The following SLC25A48 variants were observed in gnomAD, a reference collection of about 807,000 sequenced individuals.
The protein encoded by SLC25A48 is CTC-321K16.1.
SLC25A48 carries 29 observed loss-of-function variants against 32.2 expected under a neutral mutation model. That is an observed-to-expected ratio of 0.90 (90% CI 0.67 to 1.23). SLC25A48 has a LOEUF of 1.23. SLC25A48 is among the 50% of genes most tolerant of loss of function. The probability of loss-of-function intolerance (pLI) is 0.00; values close to 1 mark genes in which losing one functional copy is unlikely to be tolerated. For missense variants in SLC25A48, 399 were observed against 422.7 expected (o/e 0.94, Z 0.49); for synonymous variants, 164 against 172.3 (o/e 0.95, Z 0.38).
intron 3 of SLC25A48, chr5:135,648,578 A>C (rs1158199473): frequency 6.6e-6 from 1 of 152,216 alleles, no homozygotes; most frequent in African/African-American, 2.4e-5. Context: ...ACTAAGTGCC[A>C]TGTGAGCCTG....
intron 3 of SLC25A48, among the ~76,000 whole-genome samples, chr5:135,657,687 G>T (rs1394176824): frequency 6.6e-6 from 1 of 152,200 alleles, no homozygotes; most frequent in Non-Finnish European, 1.5e-5. Flanking sequence ...CTGACTGTGT[G>T]TATCTAGTCT....
intron 3 of SLC25A48, among the ~76,000 whole-genome samples, chr5:135,719,988 G>A (rs1754910029): frequency 6.6e-6 from 1 of 152,262 alleles, no homozygotes. Context: ...TTCTGAAGGG[G>A]CTTGTAGATG....
At chr5:135,767,477 C>T (rs1580856362) in intron 3 of SLC25A48, among the ~76,000 whole-genome samples, 1 of 151,734 alleles carries the variant, frequency 6.6e-6, no homozygotes, top group East Asian at 1.9e-4. Flanking sequence ...GAGTGTACAC[C>T]CCCTGGTGAT....
chr5:135,883,222 C>T, intron 7 of SLC25A48: 1 of 985,484 alleles, frequency 1.0e-6, no homozygotes. Flanking sequence ...CATCCCCACC[C>T]CGGCTGGGGC....
intron 3 of SLC25A48, among the ~76,000 whole-genome samples, chr5:135,677,415 A>G (rs1049053504): frequency 1.3e-5 from 2 of 152,008 alleles, no homozygotes; most frequent in African/African-American, 4.8e-5. Flanking sequence ...TTAGTGGAGA[A>G]TTTCATCCAT....
intron 3 of SLC25A48, among the ~76,000 whole-genome samples, chr5:135,767,243 A>G (rs1485177576): frequency 6.7e-6 from 1 of 149,564 alleles, no homozygotes; most frequent in Non-Finnish European, 1.5e-5. Flanking sequence ...TGATATTACT[A>G]TCTATATTGG....
At chr5:135,607,480 C>T (rs907146164) in intron 1 of SLC25A48, among the ~76,000 whole-genome samples, 1 of 152,198 alleles carries the variant, frequency 6.6e-6, no homozygotes, top group African/African-American at 2.4e-5. Context: ...TGAGGTATAA[C>T]AGCGAGGAAG....
At chr5:135,696,087 C>T (rs999076382) in intron 3 of SLC25A48, among the ~76,000 whole-genome samples, 13 of 152,182 alleles carry the variant, frequency 8.5e-5, no homozygotes, top group Non-Finnish European at 1.6e-4. Context: ...AGCCCAAGGG[C>T]GACTGTGGAA....
intron 3 of SLC25A48, among the ~76,000 whole-genome samples, chr5:135,719,027 T>A (rs1315067003): frequency 6.6e-6 from 1 of 152,162 alleles, no homozygotes; most frequent in African/African-American, 2.4e-5. Flanking sequence ...AAGATTATCC[T>A]GGTTGTGATT....
chr5:135,875,975 T>C (rs1423711869), intron 6 of SLC25A48: 3 of 152,214 alleles, frequency 2.0e-5, no homozygotes. Flanking sequence ...ACTTGAGTTC[T>C]GTCTTTATGT....
At chr5:135,737,098 G>A (rs746566061) in intron 3 of SLC25A48, among the ~76,000 whole-genome samples, 5 of 152,176 alleles carry the variant, frequency 3.3e-5, no homozygotes, top group Non-Finnish European at 5.9e-5. Context: ...TTTCACTCAC[G>A]TCCGTGTGAA....
intron 3 of SLC25A48, among the ~76,000 whole-genome samples, chr5:135,806,601 T>C (rs1040626457): frequency 7.2e-6 from 1 of 139,288 alleles, no homozygotes; most frequent in African/African-American, 3.3e-5. Context: ...TTTAATATCA[T>C]AGTGTTTTCA....
intron 2 of SLC25A48, among the ~76,000 whole-genome samples, chr5:135,631,449 G>A (rs553009288): frequency 2.6e-4 from 39 of 152,308 alleles, no homozygotes; most frequent in Admixed American, 5.2e-4. Flanking sequence ...ATCTTCACAG[G>A]GCTCCCATCT....
chr5:135,834,992 C>A, intron 1 of SLC25A48, 99 bp downstream of exon 1: 1 of 1,401,086 alleles, frequency 7.1e-7, no homozygotes, highest in Non-Finnish European at 9.9e-7. Flanking sequence ...GCTGCCATCC[C>A]GCTCCCCGTT....
chr5:135,840,904 T>A (rs768899918), intron 1 of SLC25A48, among the ~76,000 whole-genome samples: 10 of 152,212 alleles, frequency 6.6e-5, no homozygotes, highest in Non-Finnish European at 1.0e-4. Flanking sequence ...CTTGTTTTAG[T>A]ATCTGTTTTC....
chr5:135,702,403 G>A (rs535241798), intron 3 of SLC25A48, among the ~76,000 whole-genome samples: 36 of 152,326 alleles, frequency 2.4e-4, no homozygotes, highest in African/African-American at 6.3e-4. Flanking sequence ...GGAGTGATGC[G>A]TCTATAAGCC....
At chr5:135,749,284 C>CAA (rs141008958) in intron 3 of SLC25A48, among the ~76,000 whole-genome samples, 1,509 of 149,334 alleles carry the variant, frequency 0.01, 20 homozygotes, top group African/African-American at 0.035. Context: ...GTGTTCCACA[C>CAA]ACAAAAAAAA....
intron 3 of SLC25A48, among the ~76,000 whole-genome samples, chr5:135,697,469 T>C (rs1287072323): frequency 6.6e-6 from 1 of 152,234 alleles, no homozygotes; most frequent in African/African-American, 2.4e-5. Context: ...CGTGTTTTGC[T>C]GGCTCATGAC....
intron 1 of SLC25A48, among the ~76,000 whole-genome samples, chr5:135,595,948 T>A (rs1751640514): frequency 6.6e-6 from 1 of 152,190 alleles, no homozygotes; most frequent in South Asian, 2.1e-4. Flanking sequence ...TTGGTCCTTT[T>A]GGGCACCAGC....
Sources: allele counts gnomAD v4.1 joint callset (sites outside exome capture counted in the v4.1 genomes callset), GRCh38; gene constraint gnomAD v4.1.1; transcripts MANE v1.5; gene names NCBI Gene and HGNC (gene_info 2026-07-23, HGNC 2026-07-21).